ZNF638: variants seen among roughly 807,000 people sequenced by gnomAD.
ZNF638 encodes zinc finger protein 638, also known as CTCL tumor antigen se33-1.
In ZNF638, 46 loss-of-function variants were observed where a neutral mutation model predicts 195.6. The observed-to-expected ratio is 0.24, with a 90% confidence interval of 0.19 to 0.30. The LOEUF (loss-of-function observed/expected upper bound fraction) is 0.30, where lower values mean the gene tolerates loss of function less well. ZNF638 is among the 10% of genes least tolerant of loss of function. The pLI is 1.00. For missense variants in ZNF638, 2,440 were observed against 2,325.3 expected (o/e 1.05, Z -1.01); for synonymous variants, 845 against 772.0 (o/e 1.09, Z -1.57).
chr2:71,377,652 A>G (rs1283239237), intron 8 of ZNF638, among the ~76,000 whole-genome samples: 1 of 152,222 alleles, frequency 6.6e-6, no homozygotes, highest in Non-Finnish European at 1.5e-5. Flanking sequence ...TGCAGTGGTG[A>G]GCAAGAGAGG....
rs6740696 is a variant in ZNF638 at position 71,398,846 on chromosome 2, G to A, written c.2500+74G>A. The A allele has an allele frequency of 2.1e-3, 2,783 of 1,314,892 alleles. 51 individuals are homozygous for A. The African/African-American group carries it at 0.037, about 17-fold the overall frequency. 81.5% of individuals were successfully genotyped at this position (1,314,892 alleles called of 1,614,324 possible). A position where few individuals can be genotyped will look rare whatever the true frequency, so the allele number is the denominator to read the frequency against. ...TTTTAAATTCGTATAATAATTTTTA[G>A]CATCTAATACTTGAAGAGTTTAGTA... On this transcript the variant is annotated intron_variant, in intron 12 of 27. Coordinates refer to ENST00000264447, the MANE Select transcript of ZNF638 (RefSeq NM_014497.5).
chr2:71,364,640 C>T (rs2079164599), intron 5 of ZNF638, among the ~76,000 whole-genome samples: 1 of 152,156 alleles, frequency 6.6e-6, no homozygotes, highest in Admixed American at 6.5e-5. Flanking sequence ...CCTTCTTCTA[C>T]AATGAAAGAA....
At chr2:71,332,778 G>T (rs964487606) in intron 1 of ZNF638, 1 of 152,180 alleles carries the variant, frequency 6.6e-6, no homozygotes, top group Middle Eastern at 3.2e-3. Context: ...TTGAGCTATA[G>T]AGTGAAGGCT....
chr2:71,429,011 A>T (rs1281014083), intron 25 of ZNF638: 2 of 170,570 alleles, frequency 1.2e-5, no homozygotes, highest in African/African-American at 4.8e-5. Context: ...CGTTTATAAA[A>T]TTTAACTTGA....
Position 71,424,655 on chromosome 2 carries a change from G to T in ZNF638, c.4530G>T (p.Leu1510Phe). ...MKRDDSNNKT[L>F]AEQNTKNPKS... ...TTTCTTATTTACTATTTCAGACTTT[G>T]GCTGAGCAAAACACTAAGAATCCTA... The change falls in exon 23 of 28, where the codon TTG becomes TTT. Residue 1510 changes from leucine (L) to phenylalanine (F), a missense_variant. Leu to Phe is a conservative substitution (Grantham distance 22, BLOSUM62 0). This residue lies in a region of ZNF638 where 1,883 missense variants were observed against 1,739.1 expected (regional missense o/e 1.08). Transcript: ENST00000264447. The T allele has an allele frequency of 6.2e-7, 1 of 1,609,648 alleles. No individual in the cohort carries two copies. The highest frequency in any genetic ancestry group is 1.1e-5 in the South Asian group (1 of 90,502).
intron 20 of ZNF638, among the ~76,000 whole-genome samples, chr2:71,409,907 C>T (rs938826520): frequency 6.6e-6 from 1 of 152,068 alleles, no homozygotes. Context: ...TGCTAGAGTA[C>T]ATTCTCAAGT....
intron 10 of ZNF638, among the ~76,000 whole-genome samples, chr2:71,395,033 C>T (rs1447619032): frequency 6.6e-6 from 1 of 152,120 alleles, no homozygotes; most frequent in Non-Finnish European, 1.5e-5. Flanking sequence ...AACAACACCT[C>T]GGGGTGACCT....
At chr2:71,433,448 C>T (rs1342462755) in intron 27 of ZNF638, 165 bp downstream of exon 27, 3 of 576,386 alleles carry the variant, frequency 5.2e-6, no homozygotes, top group Non-Finnish European at 9.2e-6. Flanking sequence ...CCTGTAATTT[C>T]TAGTCCTTAT....
chr2:71,350,521 T>C (rs559844477), intron 2 of ZNF638, among the ~76,000 whole-genome samples: 9 of 152,342 alleles, frequency 5.9e-5, no homozygotes, highest in South Asian at 4.1e-4. Flanking sequence ...TTTGAACTTT[T>C]AGTTATCCCA....
chr2:71,369,411 G>A (rs1401750229), intron 7 of ZNF638, among the ~76,000 whole-genome samples: 4 of 152,092 alleles, frequency 2.6e-5, no homozygotes, highest in South Asian at 2.1e-4. Context: ...GGCCAAGGCT[G>A]GAGGATCGCT....
chr2:71,377,256 T>A (rs574461424), intron 8 of ZNF638, among the ~76,000 whole-genome samples: 10 of 152,098 alleles, frequency 6.6e-5, no homozygotes, highest in Non-Finnish European at 1.0e-4. Flanking sequence ...TGGGGGATGA[T>A]CAGGAGCCCT....
In ZNF638 at chr2:71,405,988, G is replaced by A. The variant is rs950486412; in HGVS notation, c.3001-140G>A. 4 of 931,128 alleles carry A rather than the reference G, an allele frequency of 4.3e-6. No homozygotes were observed. In the African/African-American group the frequency reaches 4.9e-5, roughly 12 times the overall value. 57.7% of individuals were successfully genotyped at this position (931,128 alleles called of 1,614,324 possible). A position where few individuals can be genotyped will look rare whatever the true frequency, so the allele number is the denominator to read the frequency against. On this transcript the variant is annotated intron_variant, in intron 18 of 27. Coordinates refer to ENST00000264447, the MANE Select transcript of ZNF638 (RefSeq NM_014497.5). ...TCGTACGTAAAATTAAGACCTCACT[G>A]TCTTCCCCCATGTAGTCATTTTCTT...
At chr2:71,346,087 C>A (rs1352299543) in intron 1 of ZNF638, among the ~76,000 whole-genome samples, 1 of 152,200 alleles carries the variant, frequency 6.6e-6, no homozygotes, top group Non-Finnish European at 1.5e-5. Context: ...GATACTTATT[C>A]ACAATTCCAT....
chr2:71,386,226 C>T lies in ZNF638; in HGVS notation c.2377+5661C>T, dbSNP rs114618713. Among the ~76,000 whole-genome samples, 627 of 142,710 alleles carry T rather than the reference C, an allele frequency of 4.4e-3. 3 individuals carry two copies. Among genetic ancestry groups the T allele is most frequent in the African/African-American group, 0.016 (596 of 38,224 alleles). 93.6% of individuals were successfully genotyped at this position (142,710 alleles called of 152,430 possible). On this transcript the variant is annotated intron_variant, in intron 10 of 27. Transcript: ENST00000264447. Reference sequence around the variant, plus strand: ...GGAGGATTGCTTGAGCCCAGGAGGTCGACGCTTCAGTGAACTGTGATCGTG... The same window carrying T: ...GGAGGATTGCTTGAGCCCAGGAGGTTGACGCTTCAGTGAACTGTGATCGTG...
intron 2 of ZNF638, among the ~76,000 whole-genome samples, chr2:71,354,921 A>G (rs1285116560): frequency 6.6e-6 from 1 of 152,046 alleles, no homozygotes; most frequent in African/African-American, 2.4e-5. Context: ...AGTACCTTGT[A>G]TGGAATGGTA....
At position 71,380,292 on chromosome 2, in the gene ZNF638, T is replaced by C. The variant is rs2079512931; in HGVS notation, c.2324+12T>C. On this transcript the variant is annotated intron_variant, in intron 9 of 27. Transcript: ENST00000264447. The stretch of plus-strand genomic sequence containing the variant: ...GCATCTACCTTAAAGTAAGTGACTT[T>C]ATGATTTCATATGTGAGAATGAAAT... 6.5e-7 allele frequency: 1 copy of C among 1,526,734 alleles called. No homozygotes were observed. The highest frequency in any genetic ancestry group is 8.8e-7 in the Non-Finnish European group (1 of 1,134,434). The allele number at this position is 1,526,734 out of a possible 1,614,324, so 94.6% of individuals were successfully genotyped here. A position where few individuals can be genotyped will look rare whatever the true frequency, so the allele number is the denominator to read the frequency against.
At chr2:71,370,807 C>T (rs2079296387) in intron 8 of ZNF638, among the ~76,000 whole-genome samples, 1 of 152,100 alleles carries the variant, frequency 6.6e-6, no homozygotes, top group Non-Finnish European at 1.5e-5. Flanking sequence ...CTGTCCCCTC[C>T]AACATTTATT....
At chr2:71,352,538 A>G (rs2078961132) in intron 2 of ZNF638, among the ~76,000 whole-genome samples, 1 of 151,784 alleles carries the variant, frequency 6.6e-6, no homozygotes, top group Non-Finnish European at 1.5e-5. Flanking sequence ...GCAACAACAT[A>G]CAGAGAGGCA....
chr2:71,427,431 G>A lies in ZNF638; in HGVS notation c.5545+17G>A. The A allele has an allele frequency of 6.7e-7, 1 of 1,503,180 alleles. No individual in the cohort carries two copies. The highest frequency in any genetic ancestry group is 8.9e-7 in the Non-Finnish European group (1 of 1,129,330). The allele number at this position is 1,503,180 out of a possible 1,614,324, so 93.1% of individuals were successfully genotyped here. On this transcript the variant is annotated intron_variant, in intron 24 of 27. Transcript: ENST00000264447. ...ACTTAACAGGTAGATACTTGGAAGGGGTAGTCTTTCTGTTTTATGAGGGGA... is the reference window on the plus strand; with the variant it reads ...ACTTAACAGGTAGATACTTGGAAGGAGTAGTCTTTCTGTTTTATGAGGGGA...
Sources: allele counts gnomAD v4.1 joint callset (sites outside exome capture counted in the v4.1 genomes callset), GRCh38; gene constraint gnomAD v4.1.1; regional missense constraint gnomAD v4.1.1; transcripts MANE v1.5; gene names NCBI Gene and HGNC (gene_info 2026-07-23, HGNC 2026-07-21).